Variants in GPR176 observed in about 807,000 individuals in gnomAD.
The protein encoded by GPR176 is G protein-coupled receptor 176, also known as G-protein coupled receptor 176.
In GPR176, 26 loss-of-function variants were observed where a neutral mutation model predicts 35.4. That is an observed-to-expected ratio of 0.74 (90% CI 0.54 to 1.02). The LOEUF is 1.02. Among genes scored for constraint, GPR176 ranks in the 50% least tolerant of loss-of-function variants. The probability of loss-of-function intolerance (pLI) is 0.00; values close to 1 mark genes in which losing one functional copy is unlikely to be tolerated. For missense variants in GPR176, 597 were observed against 665.3 expected, an observed-to-expected ratio of 0.90 and a Z score of 1.13; for synonymous variants, 278 against 271.3, an observed-to-expected ratio of 1.02 and a Z score of -0.24.
chr15:39,888,347 A>C (rs557261290), intron 1 of GPR176, among the ~76,000 whole-genome samples: 1 of 152,114 alleles, frequency 6.6e-6, no homozygotes, highest in African/African-American at 2.4e-5. Flanking sequence ...GTGTAGCGAC[A>C]TGATCATAGC....
At chr15:39,863,245 A>AT (rs1043021480) in intron 1 of GPR176, among the ~76,000 whole-genome samples, 35 of 149,802 alleles carry the variant, frequency 2.3e-4, no homozygotes, top group Non-Finnish European at 3.6e-4. Context: ...CGCCTGGCTA[A>AT]TTTTTTTTTG....
At chr15:39,917,263 G>A (rs1407579909) in intron 1 of GPR176, among the ~76,000 whole-genome samples, 1 of 151,482 alleles carries the variant, frequency 6.6e-6, no homozygotes, top group Non-Finnish European at 1.5e-5. Flanking sequence ...ACTCCAGCCT[G>A]GGCAACAAGA....
intron 1 of GPR176, among the ~76,000 whole-genome samples, chr15:39,837,128 C>G (rs1173863354): frequency 1.3e-5 from 2 of 152,162 alleles, no homozygotes; most frequent in African/African-American, 2.4e-5. Flanking sequence ...TAATGGGAGT[C>G]TGGTCTTGAA....
chr15:39,806,920 C>A, intron 2 of GPR176, 86 bp downstream of exon 2: 1 of 1,213,532 alleles, frequency 8.2e-7, no homozygotes, highest in East Asian at 2.3e-5. Context: ...GTATACGGAA[C>A]ATTGACTACT....
At chr15:39,878,869 G>A (rs1182331260) in intron 1 of GPR176, among the ~76,000 whole-genome samples, 1 of 152,240 alleles carries the variant, frequency 6.6e-6, no homozygotes, top group Non-Finnish European at 1.5e-5. Context: ...CAGTCAGGGA[G>A]GGGTGGCTGG....
intron 1 of GPR176, among the ~76,000 whole-genome samples, chr15:39,916,998 T>C (rs1030422560): frequency 3.3e-5 from 5 of 152,280 alleles, no homozygotes; most frequent in African/African-American, 1.2e-4. Context: ...TACCAGTACG[T>C]AGGCAGGGCA....
At chr15:39,863,040 T>C (rs2031671362) in intron 1 of GPR176, among the ~76,000 whole-genome samples, 2 of 151,886 alleles carry the variant, frequency 1.3e-5, no homozygotes, top group South Asian at 4.2e-4. Flanking sequence ...CTAATGTGTG[T>C]GTTTATGTCT....
intron 1 of GPR176, among the ~76,000 whole-genome samples, chr15:39,883,964 A>G (rs1336750757): frequency 6.6e-6 from 1 of 152,226 alleles, no homozygotes; most frequent in East Asian, 1.9e-4. Flanking sequence ...GCTCAATGGA[A>G]CTGCCTCAAA....
intron 1 of GPR176, among the ~76,000 whole-genome samples, chr15:39,830,477 G>C (rs963710139): frequency 6.6e-6 from 1 of 152,174 alleles, no homozygotes; most frequent in Non-Finnish European, 1.5e-5. Context: ...TGGAAGACCA[G>C]GCAGACAAAA....
chr15:39,835,520 A>C (rs371900106), intron 1 of GPR176, among the ~76,000 whole-genome samples: 6 of 146,248 alleles, frequency 4.1e-5, no homozygotes, highest in Non-Finnish European at 6.2e-5. Context: ...GCTCTGCCCC[A>C]AAAAATTCTC....
At chr15:39,882,978 C>T (rs28367262) in intron 1 of GPR176, among the ~76,000 whole-genome samples, 6,055 of 152,256 alleles carry the variant, frequency 0.04, 300 homozygotes, top group African/African-American at 0.12. Context: ...ATCCTCTCAT[C>T]CAGAACCCAA....
intron 1 of GPR176, among the ~76,000 whole-genome samples, chr15:39,883,941 T>C (rs2032577840): frequency 6.6e-6 from 1 of 152,240 alleles, no homozygotes; most frequent in Non-Finnish European, 1.5e-5. Flanking sequence ...AATGAATGTA[T>C]TCAAGAAAGC....
rs1299185507 is a variant in GPR176 at position 39,801,551 on chromosome 15, G to T, written c.1129C>A (p.Gln377Lys). Residue 377 changes from glutamine to lysine, a missense_variant, in exon 3 of 3, where the codon CAG becomes AAG. This residue lies in a region of GPR176 where 251 missense variants were observed against 255.4 expected (regional missense o/e 0.98). Coordinates refer to ENST00000561100, the MANE Select transcript of GPR176 (RefSeq NM_007223.3). Reference protein sequence around the residue: ...SQLLEMFHIGQQQIFKPTEDE... With the variant: ...SQLLEMFHIGKQQIFKPTEDE... ...TCTGTGGGCTTAAAGATCTGCTGCT[G>T]CCCAATGTGGAACATCTCCAGGAGC... is the stretch of plus-strand genomic sequence containing the variant. 1 of 1,614,130 alleles carries T rather than the reference G, an allele frequency of 6.2e-7. No individual in the cohort carries two copies. The highest frequency in any genetic ancestry group is 8.5e-7 in the Non-Finnish European group (1 of 1,179,968).
intron 2 of GPR176, among the ~76,000 whole-genome samples, chr15:39,802,868 CTGCTCAACAGTCAT>C (rs1356134150): frequency 2.0e-5 from 3 of 152,228 alleles, no homozygotes; most frequent in Non-Finnish European, 4.4e-5. Flanking sequence ...AAAGTTATGC[CTGCTCAACAGTCAT>C]TGCTCCCATG....
chr15:39,913,159 T>A (rs1209256888), intron 1 of GPR176, among the ~76,000 whole-genome samples: 1 of 152,226 alleles, frequency 6.6e-6, no homozygotes. Flanking sequence ...AAAACATGGA[T>A]GAATCCTGAA....
At chr15:39,897,366 T>G (rs1041941760) in intron 1 of GPR176, among the ~76,000 whole-genome samples, 1 of 152,206 alleles carries the variant, frequency 6.6e-6, no homozygotes, top group African/African-American at 2.4e-5. Flanking sequence ...AATTTAAATA[T>G]TTCACACAAC....
intron 1 of GPR176, among the ~76,000 whole-genome samples, chr15:39,917,040 G>A (rs1423097684): frequency 2.0e-5 from 3 of 152,152 alleles, no homozygotes; most frequent in Non-Finnish European, 4.4e-5. Context: ...TCAGCACTTC[G>A]GGAGGCTGCG....
intron 1 of GPR176, among the ~76,000 whole-genome samples, chr15:39,890,166 G>A (rs1433752126): frequency 6.6e-6 from 1 of 152,136 alleles, no homozygotes; most frequent in Non-Finnish European, 1.5e-5. Context: ...TTCTTAGAGA[G>A]AGCCTGATGT....
In GPR176 at chr15:39,801,646, C is replaced by T. The variant is rs1219851330; in HGVS notation, c.1034G>A (p.Arg345His). The T allele has an allele frequency of 1.9e-6, 3 of 1,613,908 alleles. No individual in the cohort carries two copies. Among genetic ancestry groups the T allele is most frequent in the South Asian group, 1.1e-5 (1 of 91,076 alleles). ...LVQLHHRYSR[R>H]NVVSTGSGMA... ...GCCACTCCCTGTACTGACCACATTA[C>T]GGCGACTGTACCGGTGGTGTAGTTG... The change falls in exon 3 of 3, where the codon CGT (arginine) becomes CAT (histidine). Residue 345 changes from arginine (R) to histidine (H), a missense_variant. Around this residue, in one of 3 missense-constraint regions of GPR176, gnomAD observed 251 missense variants for 255.4 expected, o/e 0.98. Coordinates refer to ENST00000561100, the MANE Select transcript of GPR176 (RefSeq NM_007223.3).
Sources: gnomAD v4.1 joint callset for allele counts (sites outside exome capture counted in the v4.1 genomes callset) on GRCh38, gnomAD v4.1.1 for gene constraint, gnomAD v4.1.1 regional missense constraint, MANE v1.5 for transcripts, NCBI Gene and HGNC (gene_info 2026-07-23, HGNC 2026-07-21) for gene names.